VPS13B: variants seen among roughly 807,000 people sequenced by gnomAD.
VPS13B encodes the protein intermembrane lipid transfer protein VPS13B.
VPS13B carries 285 observed loss-of-function variants against 426.4 expected under a neutral mutation model. The observed-to-expected ratio is 0.67, with a 90% CI of 0.61 to 0.74. The LOEUF (loss-of-function observed/expected upper bound fraction) is 0.74, where lower values mean the gene tolerates loss of function less well. Ranked by LOEUF, VPS13B falls within the 30% of genes least tolerant of loss-of-function variation. The pLI, the probability that VPS13B is intolerant of heterozygous loss-of-function variation, is 0.00. For missense variants in VPS13B, 4,537 were observed against 4,782.6 expected (o/e 0.95, Z 1.51); for synonymous variants, 1,676 against 1,676.4 (o/e 1.00, Z 0.01).
At chr8:99,115,902 CTTTAT>C (rs760275702) in intron 7 of VPS13B, 28 bp downstream of exon 7, 278 of 1,604,914 alleles carry the variant, frequency 1.7e-4, no homozygotes, top group Non-Finnish European at 2.1e-4. Flanking sequence ...TAAACAAAAA[CTTTAT>C]TTTAAGACTA....
intron 19 of VPS13B, among the ~76,000 whole-genome samples, chr8:99,381,179 G>C (rs1169365657): frequency 6.6e-6 from 1 of 152,070 alleles, no homozygotes; most frequent in East Asian, 1.9e-4. Context: ...TCCTGCATTA[G>C]TTTGCTAAGG....
chr8:99,314,181 C>G (rs1017895991), intron 19 of VPS13B, among the ~76,000 whole-genome samples: 1 of 152,048 alleles, frequency 6.6e-6, no homozygotes, highest in South Asian at 2.1e-4. Context: ...TGTCCTGCCC[C>G]CACTGTCCAA....
intron 19 of VPS13B, among the ~76,000 whole-genome samples, chr8:99,332,867 T>G (rs1323028302): frequency 6.6e-6 from 1 of 151,686 alleles, no homozygotes; most frequent in African/African-American, 2.4e-5. Context: ...GGATAAAAAG[T>G]TGGCTCACAT....
chr8:99,758,130 A>G (rs1257724852), intron 39 of VPS13B, among the ~76,000 whole-genome samples: 1 of 152,244 alleles, frequency 6.6e-6, no homozygotes, highest in Non-Finnish European at 1.5e-5. Context: ...CTCTTTCAAA[A>G]CTAAAAGCAC....
intron 3 of VPS13B, among the ~76,000 whole-genome samples, chr8:99,047,653 T>C (rs954897352): frequency 1.3e-5 from 2 of 152,050 alleles, no homozygotes; most frequent in African/African-American, 4.8e-5. Flanking sequence ...CTTTTTGAGG[T>C]AGGCATTTAG....
At chr8:99,265,546 C>T (rs1167230031) in intron 17 of VPS13B, among the ~76,000 whole-genome samples, 2 of 152,102 alleles carry the variant, frequency 1.3e-5, no homozygotes, top group Non-Finnish European at 2.9e-5. Flanking sequence ...AGTTGAGAGT[C>T]CTCCTGGTTT....
intron 24 of VPS13B, among the ~76,000 whole-genome samples, chr8:99,471,284 CTT>C (rs1445687477): frequency 1.3e-5 from 2 of 152,052 alleles, no homozygotes; most frequent in African/African-American, 2.4e-5. Flanking sequence ...ATGTGTGACT[CTT>C]GAAATCAAAA....
intron 15 of VPS13B, among the ~76,000 whole-genome samples, chr8:99,160,905 A>G (rs368872028): frequency 1.5e-4 from 23 of 152,286 alleles, no homozygotes; most frequent in African/African-American, 4.8e-4. Context: ...CTAGAAGAAC[A>G]TGTTTTCTTG....
At chr8:99,584,050 G>A (rs1826196011) in intron 33 of VPS13B, among the ~76,000 whole-genome samples, 1 of 152,048 alleles carries the variant, frequency 6.6e-6, no homozygotes, top group South Asian at 2.1e-4. Context: ...CTTGTAACCA[G>A]GCAATAAACA....
intron 2 of VPS13B, among the ~76,000 whole-genome samples, chr8:99,028,400 C>T (rs557313664): frequency 4.0e-5 from 6 of 149,222 alleles, no homozygotes; most frequent in South Asian, 2.1e-4. Context: ...GCTGACCCCC[C>T]CCACCTCCCT....
intron 44 of VPS13B, among the ~76,000 whole-genome samples, chr8:99,816,815 A>C (rs1814066946): frequency 6.6e-6 from 1 of 152,110 alleles, no homozygotes; most frequent in Non-Finnish European, 1.5e-5. Flanking sequence ...AAAAAAACTA[A>C]ATAAATAAAC....
At chr8:99,130,842 C>T (rs1220166019) in intron 8 of VPS13B, among the ~76,000 whole-genome samples, 1 of 151,848 alleles carries the variant, frequency 6.6e-6, no homozygotes, top group Non-Finnish European at 1.5e-5. Flanking sequence ...CTAGAAACAT[C>T]CAAGAAATAG....
intron 19 of VPS13B, among the ~76,000 whole-genome samples, chr8:99,330,441 A>G (rs1810489596): frequency 6.6e-6 from 1 of 151,578 alleles, no homozygotes; most frequent in Non-Finnish European, 1.5e-5. Flanking sequence ...GTCAGAGAAC[A>G]GAATTTCACT....
chr8:99,549,548 T>C (rs530574479), intron 30 of VPS13B, among the ~76,000 whole-genome samples: 11 of 152,162 alleles, frequency 7.2e-5, no homozygotes, highest in African/African-American at 2.4e-4. Context: ...GAAACCCAGG[T>C]TTTTCTCTCC....
intron 40 of VPS13B, among the ~76,000 whole-genome samples, chr8:99,768,764 A>G (rs1811348859): frequency 1.3e-5 from 2 of 152,202 alleles, no homozygotes; most frequent in African/African-American, 4.8e-5. Flanking sequence ...TTACCTGCAT[A>G]TAGTTCAGCA....
rs386834107 is a variant in VPS13B at position 99,778,780 on chromosome 8, C to T, written c.7528C>T (p.Arg2510Ter). The change falls in exon 42 of 62, where the codon CGA becomes TGA. Residue 2510 changes from arginine (R) to a stop codon, truncating the protein, a stop_gained. Coordinates refer to ENST00000357162, the MANE Select transcript of VPS13B (RefSeq NM_152564.5). LOFTEE classifies it high-confidence loss of function. ...CTTCAGAGAACCACACATGTATCTTCGACAGTGGAATAATGGTTCTGTCTG... is the reference window on the plus strand; with the variant it reads ...CTTCAGAGAACCACACATGTATCTTTGACAGTGGAATAATGGTTCTGTCTG... ...VSFREPHMYL[R>*]QWNNGSVCQE... 4 of 1,613,800 alleles carry T rather than the reference C, an allele frequency of 2.5e-6. No homozygotes were observed. The highest frequency in any genetic ancestry group is 1.1e-5 in the South Asian group (1 of 91,076).
intron 2 of VPS13B, among the ~76,000 whole-genome samples, chr8:99,030,235 G>T: frequency 8.2e-6 from 1 of 121,970 alleles, no homozygotes; most frequent in African/African-American, 3.1e-5. Flanking sequence ...TTTTTTTTCG[G>T]CTAACCTGGG....
At chr8:99,139,461 C>T (rs1365144596) in intron 12 of VPS13B, among the ~76,000 whole-genome samples, 4 of 147,660 alleles carry the variant, frequency 2.7e-5, no homozygotes, top group African/African-American at 7.5e-5. Context: ...TGTTTGAGAC[C>T]GAGTCTTCCT....
At chr8:99,312,517 A>G (rs1027956628) in intron 19 of VPS13B, among the ~76,000 whole-genome samples, 7 of 152,230 alleles carry the variant, frequency 4.6e-5, no homozygotes, top group Non-Finnish European at 1.0e-4. Context: ...TCTGGCTTGT[A>G]GAATTTCTGC....
Sources: gnomAD v4.1 joint callset for allele counts (sites outside exome capture counted in the v4.1 genomes callset) on GRCh38, gnomAD v4.1.1 for gene constraint, MANE v1.5 for transcripts, NCBI Gene and HGNC (gene_info 2026-07-23, HGNC 2026-07-21) for gene names.